IDH3B: variants seen among roughly 807,000 people sequenced by gnomAD.
The protein encoded by IDH3B is isocitrate dehydrogenase [NAD] subunit beta, mitochondrial.
IDH3B carries 40 observed loss-of-function variants against 47.5 expected under a neutral mutation model. The observed-to-expected ratio is 0.84, with a 90% CI of 0.65 to 1.10. The LOEUF (loss-of-function observed/expected upper bound fraction) is 1.10. Among genes scored for constraint, IDH3B ranks in the 50% least tolerant of loss-of-function variants. The probability of loss-of-function intolerance (pLI) is 0.00; values close to 1 mark genes in which losing one functional copy is unlikely to be tolerated. For synonymous variants in IDH3B, 185 were observed against 191.0 expected (o/e 0.97, Z 0.26); for missense variants, 450 against 505.2 (o/e 0.89, Z 1.05).
At chr20:2,662,605 G>C (rs570863756) in intron 4 of IDH3B, among the ~76,000 whole-genome samples, 81 of 152,248 alleles carry the variant, frequency 5.3e-4, no homozygotes, top group Non-Finnish European at 1.1e-3. Flanking sequence ...GATCACTTGA[G>C]GTCAAGAGTT....
intron 4 of IDH3B, among the ~76,000 whole-genome samples, chr20:2,662,675 C>G (rs536544600): frequency 6.6e-6 from 1 of 152,178 alleles, no homozygotes; most frequent in East Asian, 1.9e-4. Flanking sequence ...AAAAATTAGC[C>G]TGGGCATGGT....
chr20:2,659,232 G>A, intron 11 of IDH3B: 1 of 1,442,242 alleles, frequency 6.9e-7, no homozygotes, highest in Non-Finnish European at 9.0e-7. Context: ...CCACCCCCAA[G>A]GAGAGCTGCA....
At chr20:2,659,262 C>T in intron 11 of IDH3B, 1 of 1,448,396 alleles carries the variant, frequency 6.9e-7, no homozygotes, top group Non-Finnish European at 9.0e-7. Context: ...TTCAGATGGC[C>T]CATGAAAAGG....
intron 11 of IDH3B, chr20:2,659,110 T>C (rs2086885487): frequency 3.4e-6 from 4 of 1,193,292 alleles, no homozygotes; most frequent in South Asian, 1.9e-5. Context: ...TGTGGCTACC[T>C]TCCTTGGAAG....
rs929242366 is a variant in IDH3B, at chr20:2,663,319, C to T, written c.337+127G>A. 1.4e-5 allele frequency: 16 copies of T among 1,155,454 alleles called. No homozygotes were observed. The African/African-American group carries it at 2.3e-4, about 16-fold the overall frequency. 71.6% of individuals were successfully genotyped at this position (1,155,454 alleles called of 1,614,324 possible). A position where few individuals can be genotyped will look rare whatever the true frequency, so the allele number is the denominator to read the frequency against. On this transcript the variant is annotated intron_variant, in intron 4 of 11. Transcript: ENST00000380843. The stretch of plus-strand genomic sequence containing the variant: ...GCTCCCAATGGGAAGGAACAAATGT[C>T]CAAATACCAATGGTGGTTGCCCTGG...
Position 2,659,736 on chromosome 20 carries a change from T to A in IDH3B, c.973A>T (p.Met325Leu). ...VGRNIANPTA[M>L]LLSASNMLRH... ...AGCATGTTGGAAGCCGACAGCAGCA[T>A]GGCCGTGGGATTGGCTATATTCCTG... Residue 325 changes from methionine (M) to leucine (L), a missense_variant, in exon 10 of 12, where the codon ATG (methionine) becomes TTG (leucine). Physicochemically the swap from Met to Leu is conservative, Grantham distance 15. Transcript: ENST00000380843. 6.2e-7 allele frequency: 1 copy of A among 1,614,172 alleles called. No homozygotes were observed.
Position 2,660,703 on chromosome 20 carries a change from T to C in IDH3B, c.525A>G (p.Glu175=). 6.2e-7 allele frequency: 1 copy of C among 1,614,082 alleles called. No homozygotes were observed. The highest frequency in any genetic ancestry group is 8.5e-7 in the Non-Finnish European group (1 of 1,180,040). Residue 175 remains glutamate, a synonymous_variant, in exon 6 of 12, where the codon GAA becomes GAG. Coordinates refer to ENST00000380843, the MANE Select transcript of IDH3B (RefSeq NM_006899.5). This position sits in a 1 kb window ranked among gnomAD's most constrained non-coding sequence, Gnocchi z 5.6. ...CCAGTTTCTGGGGCCTCACCTCATG[T>C]TCCAGAGAGCTGTACTCCCCTTCTG... is the stretch of plus-strand genomic sequence containing the variant. ...EQTEGEYSSL[E]HESARGVIEC...
chr20:2,664,109 C>T, intron 1 of IDH3B, 44 bp downstream of exon 1: 1 of 1,607,332 alleles, frequency 6.2e-7, no homozygotes, highest in Non-Finnish European at 8.5e-7. Flanking sequence ...GACAAACTCT[C>T]CGCTCCTTCG....
chr20:2,659,228 C>T, intron 11 of IDH3B: 2 of 1,441,202 alleles, frequency 1.4e-6, no homozygotes, highest in Non-Finnish European at 1.8e-6. Context: ...TGTTCCACCC[C>T]CAAGGAGAGC....
At position 2,660,010 on chromosome 20, in the gene IDH3B, G is replaced by A. The variant is rs753086371; in HGVS notation, c.915+20C>T. 27 of 1,613,844 alleles carry A rather than the reference G, an allele frequency of 1.7e-5. No individual in the cohort carries two copies. Among genetic ancestry groups the A allele is most frequent in the South Asian group, 2.2e-5 (2 of 91,084 alleles). On this transcript the variant is annotated intron_variant, in intron 9 of 11. Coordinates refer to ENST00000380843, the MANE Select transcript of IDH3B (RefSeq NM_006899.5). The surrounding 1 kb of genome is among the most constrained non-coding windows in gnomAD (Gnocchi z 5.6). The stretch of plus-strand genomic sequence containing the variant: ...CGGACTTGAGGTCAGAGGAAGGGCC[G>A]AGGGAGAAAGCAGCCTCACCGTCTC...
In IDH3B at chr20:2,660,602, G is replaced by T. The variant is rs1324746996; in HGVS notation, c.532-12C>A. ...ACACCCCTTGCACTCTGGGTAAGAA[G>T]AAAGCAGCAGCTAGGTGACACTGGG... On this transcript the variant is annotated splice_polypyrimidine_tract_variant and intron_variant, in intron 6 of 11. Transcript: ENST00000380843. The surrounding 1 kb of genome is among the most constrained non-coding windows in gnomAD (Gnocchi z 5.6). 9 of 1,614,162 alleles carry T rather than the reference G, an allele frequency of 5.6e-6. No individual in the cohort carries two copies. Among genetic ancestry groups the T allele is most frequent in the Non-Finnish European group, 6.8e-6 (8 of 1,180,032 alleles).
intron 9 of IDH3B, 80 bp downstream of exon 9, chr20:2,659,950 T>TA: frequency 6.3e-7 from 1 of 1,577,208 alleles, no homozygotes; most frequent in South Asian, 1.1e-5. Flanking sequence ...CAAGATCACT[T>TA]AGGAAGTGGA....
At chr20:2,659,444 G>C (rs2086894429) in intron 11 of IDH3B, 81 bp downstream of exon 11, 1 of 1,542,822 alleles carries the variant, frequency 6.5e-7, no homozygotes, top group Admixed American at 1.7e-5. Flanking sequence ...CCCCCATTCA[G>C]GTTCCCCAGA....
chr20:2,663,052 G>GGGAC (rs1402526897), intron 4 of IDH3B, among the ~76,000 whole-genome samples: 1 of 152,016 alleles, frequency 6.6e-6, no homozygotes, highest in Non-Finnish European at 1.5e-5. Flanking sequence ...GCTTGAACCA[G>GGGAC]GGACGGGGAG....
chr20:2,663,997 G>C lies in IDH3B; in HGVS notation c.45C>G (p.Val15=). 5 of 1,614,154 alleles carry C rather than the reference G, an allele frequency of 3.1e-6. No individual in the cohort carries two copies. The Middle Eastern group carries it at 4.9e-4, about 160-fold the overall frequency. ...SGVRWLTRAL[V]SAGNPGAWRG... ...TCCATGCCCCAGGGTTCCCGGCGGA[G>C]ACCAGCGCCTGCAACAGGGACACAC... is the stretch of plus-strand genomic sequence containing the variant. The change falls in exon 2 of 12, where the codon GTC becomes GTG. Residue 15 remains valine (V), a synonymous_variant. Transcript: ENST00000380843.
At position 2,658,861 on chromosome 20, in the gene IDH3B, C is replaced by G. The variant is rs6107093; in HGVS notation, c.1072-24G>C. Reference sequence around the variant, plus strand: ...ACCTACAGCCACCACCGGCAACAGCCGTGGGGAGGGAGAAAAGAGAGCCCA... The same window carrying G: ...ACCTACAGCCACCACCGGCAACAGCGGTGGGGAGGGAGAAAAGAGAGCCCA... On this transcript the variant is annotated intron_variant, in intron 11 of 11. Transcript: ENST00000380843. The G allele has an allele frequency of 1.5e-5, 24 of 1,613,646 alleles. No homozygotes were observed. The African/African-American group carries it at 3.1e-4, about 21-fold the overall frequency.
chr20:2,664,062 C>T (rs1029415053), intron 1 of IDH3B, 57 bp from the exon 2 acceptor site: 12 of 1,611,168 alleles, frequency 7.4e-6, no homozygotes, highest in Non-Finnish European at 1.0e-5. Flanking sequence ...AGACCCCGAA[C>T]ACTACAGTTG....
Position 2,658,420 on chromosome 20 carries a change from C to G in IDH3B, c.*331G>C. On this transcript the variant is annotated 3_prime_UTR_variant, in exon 12 of 12. Coordinates refer to ENST00000380843, the MANE Select transcript of IDH3B (RefSeq NM_006899.5). ...TTGGTTCATGTTCTTTATTGAACAC[C>G]TTACATGGGTATGGACAGGGCCTAT... 6.2e-7 allele frequency: 1 copy of G among 1,613,750 alleles called. No homozygotes were observed. The highest frequency in any genetic ancestry group is 8.5e-7 in the Non-Finnish European group (1 of 1,179,802).
rs556473702 is a variant in IDH3B, at chr20:2,658,841, C to T, written c.1072-4G>A. On this transcript the variant is annotated splice_polypyrimidine_tract_variant and splice_region_variant and intron_variant, in intron 11 of 11. Transcript: ENST00000380843. Reference sequence around the variant, plus strand: ...CGCCCATGTCTCGAGTCCGCACCTACAGCCACCACCGGCAACAGCCGTGGG... The same window carrying T: ...CGCCCATGTCTCGAGTCCGCACCTATAGCCACCACCGGCAACAGCCGTGGG... 152 of 1,614,082 alleles carry T rather than the reference C, an allele frequency of 9.4e-5. 1 individual carries two copies. In the South Asian group the frequency reaches 1.5e-3, roughly 16 times the overall value.
Sources: allele counts gnomAD v4.1 joint callset (sites outside exome capture counted in the v4.1 genomes callset), GRCh38; gene constraint gnomAD v4.1.1; non-coding constraint Gnocchi (gnomAD v3.1); transcripts MANE v1.5; gene names NCBI Gene and HGNC (gene_info 2026-07-23, HGNC 2026-07-21).